WDFY2: variants seen among roughly 807,000 people sequenced by gnomAD.
WDFY2 encodes the protein WD repeat and FYVE domain-containing protein 2.
In WDFY2, 36 loss-of-function variants were observed where a neutral mutation model predicts 56.4. The ratio of observed to expected loss-of-function variants is 0.64; its 90% CI spans 0.49 to 0.84. WDFY2 has a LOEUF of 0.84. Among genes scored for constraint, WDFY2 ranks in the 40% least tolerant of loss-of-function variants. The pLI is 0.00. For missense variants in WDFY2, 444 were observed against 512.2 expected (o/e 0.87, Z 1.29); for synonymous variants, 176 against 183.7 (o/e 0.96, Z 0.34).
chr13:51,734,524 A>G (rs1952793576), intron 6 of WDFY2, among the ~76,000 whole-genome samples: 1 of 152,208 alleles, frequency 6.6e-6, no homozygotes, highest in African/African-American at 2.4e-5. Context: ...TTTTATTTTA[A>G]AAATATTTTG....
In WDFY2 at chr13:51,717,758, G is replaced by A. The variant is rs185342568; in HGVS notation, c.335-1440G>A. On this transcript the variant is annotated intron_variant, in intron 4 of 11. Coordinates refer to ENST00000298125, the MANE Select transcript of WDFY2 (RefSeq NM_052950.4). ...TAAAGCCTGTGTTTTGATCTTGATG[G>A]TGACTGGTACTCCGAAAGCAGTTGT... is the stretch of plus-strand genomic sequence containing the variant. 2.4e-3 allele frequency among the ~76,000 whole-genome samples: 369 copies of A among 152,200 alleles called. 6 individuals carry two copies. Among genetic ancestry groups the A allele is most frequent in the Admixed American group, 0.023 (355 of 15,280 alleles).
In WDFY2 at chr13:51,744,569, A is replaced by G. The variant is rs192303066; in HGVS notation, c.725+5394A>G. 5.3e-5 allele frequency among the ~76,000 whole-genome samples: 8 copies of G among 152,262 alleles called. No homozygotes were observed. The East Asian group carries it at 1.4e-3, about 26-fold the overall frequency. On this transcript the variant is annotated intron_variant, in intron 7 of 11. Transcript: ENST00000298125. The stretch of plus-strand genomic sequence containing the variant: ...TTTTCATTTTGCACTAGTCCCTCCA[A>G]TTATATGTTTGGACCTGACAGACAT...
intron 5 of WDFY2, among the ~76,000 whole-genome samples, chr13:51,721,931 G>T (rs17075902): frequency 0.092 from 13,952 of 151,758 alleles, 941 homozygotes; most frequent in East Asian, 0.29. Context: ...CAGTATTAGG[G>T]TTCACATTTA....
intron 1 of WDFY2, among the ~76,000 whole-genome samples, chr13:51,640,392 G>A (rs752817825): frequency 1.2e-4 from 19 of 152,126 alleles, no homozygotes; most frequent in Non-Finnish European, 2.6e-4. Flanking sequence ...TTTGTCAGTC[G>A]TATTTCATGC....
At chr13:51,584,950 T>G in intron 1 of WDFY2, 126 bp downstream of exon 1, 3 of 1,317,490 alleles carry the variant, frequency 2.3e-6, no homozygotes, top group African/African-American at 1.5e-5. Flanking sequence ...TTTATTGTAA[T>G]GCGCATCCTG....
At chr13:51,690,299 C>G (rs1593416269) in intron 3 of WDFY2, among the ~76,000 whole-genome samples, 3 of 150,544 alleles carry the variant, frequency 2.0e-5, no homozygotes, top group African/African-American at 7.3e-5. Context: ...CATCCACTAA[C>G]TCGTCATCTA....
chr13:51,595,707 A>T (rs563332539), intron 1 of WDFY2, among the ~76,000 whole-genome samples: 3 of 152,358 alleles, frequency 2.0e-5, no homozygotes, highest in African/African-American at 7.2e-5. Context: ...AGAAAAAAGA[A>T]ATCAAAAGAT....
Position 51,727,773 on chromosome 13 carries a change from C to T in WDFY2, c.581C>T (p.Thr194Ile), listed in dbSNP as rs143029510. Residue 194 changes from threonine (T) to isoleucine (I), a missense_variant, in exon 6 of 12, where the codon ACA becomes ATA. Physicochemically the swap from Thr to Ile is moderately conservative, Grantham distance 89 (BLOSUM62 -1). Coordinates refer to ENST00000298125, the MANE Select transcript of WDFY2 (RefSeq NM_052950.4). ...LEQENCTLVT[T>I]FRGHTGGVTA... The stretch of plus-strand genomic sequence containing the variant: ...CAAGAAAACTGCACCCTGGTCACAA[C>T]ATTCAGAGGACACACAGGTAGGATT... 25 of 1,614,050 alleles carry T rather than the reference C, an allele frequency of 1.5e-5. No homozygotes were observed. Among genetic ancestry groups the T allele is most frequent in the Non-Finnish European group, 1.2e-5 (14 of 1,180,038 alleles).
At chr13:51,591,801 A>C in intron 1 of WDFY2, 1 of 152,194 alleles carries the variant, frequency 6.6e-6, no homozygotes. Context: ...GTTTTCTAGA[A>C]GATGGAAATG....
intron 6 of WDFY2, among the ~76,000 whole-genome samples, chr13:51,734,440 G>A (rs1420697442): frequency 6.6e-6 from 1 of 152,076 alleles, no homozygotes; most frequent in Admixed American, 6.6e-5. Context: ...TACATACGTG[G>A]GAGATATTAG....
intron 3 of WDFY2, among the ~76,000 whole-genome samples, chr13:51,697,660 A>T (rs1253728611): frequency 6.6e-6 from 1 of 152,054 alleles, no homozygotes; most frequent in East Asian, 1.9e-4. Flanking sequence ...GAAATGTAAC[A>T]GTTAAAGACT....
Position 51,693,819 on chromosome 13 carries a change from A to C in WDFY2, c.280-9777A>C, listed in dbSNP as rs1291195841. ...CCCATTATTATTGTGTGGGAGTCTAAGTCTCTTTATAGGTCACTCAGGACT... is the reference window on the plus strand; with the variant it reads ...CCCATTATTATTGTGTGGGAGTCTACGTCTCTTTATAGGTCACTCAGGACT... On this transcript the variant is annotated intron_variant, in intron 3 of 11. Transcript: ENST00000298125. Among the ~76,000 whole-genome samples the C allele has an allele frequency of 4.6e-3, 695 of 152,000 alleles. 4 individuals carry two copies. Among genetic ancestry groups the C allele is most frequent in the African/African-American group, 0.016 (648 of 41,316 alleles).
chr13:51,651,722 A>T (rs540446653), intron 1 of WDFY2, among the ~76,000 whole-genome samples: 8 of 152,246 alleles, frequency 5.3e-5, no homozygotes, highest in African/African-American at 1.9e-4. Context: ...GTAGTTGGGC[A>T]GTTTTGAGTG....
chr13:51,750,656 T>C (rs1364367773), intron 7 of WDFY2, among the ~76,000 whole-genome samples: 1 of 152,214 alleles, frequency 6.6e-6, no homozygotes, highest in Non-Finnish European at 1.5e-5. Flanking sequence ...TCCATCATTT[T>C]TGCCGCCAAG....
At chr13:51,757,808 T>C (rs1388418594) in intron 10 of WDFY2, among the ~76,000 whole-genome samples, 1 of 150,972 alleles carries the variant, frequency 6.6e-6, no homozygotes, top group Middle Eastern at 3.2e-3. Flanking sequence ...AGTAATATCA[T>C]GGGACACTTA....
At chr13:51,686,474 G>A (rs1053216111) in intron 3 of WDFY2, among the ~76,000 whole-genome samples, 3 of 151,976 alleles carry the variant, frequency 2.0e-5, no homozygotes, top group African/African-American at 2.4e-5. Flanking sequence ...ACAATTATTT[G>A]CCACCTCAGA....
chr13:51,623,085 T>G (rs1954769105), intron 1 of WDFY2, among the ~76,000 whole-genome samples: 1 of 152,100 alleles, frequency 6.6e-6, no homozygotes, highest in South Asian at 2.1e-4. Context: ...CTTGAACTCC[T>G]GACTTCAAGT....
At chr13:51,721,934 C>T (rs999570955) in intron 5 of WDFY2, among the ~76,000 whole-genome samples, 2 of 151,898 alleles carry the variant, frequency 1.3e-5, no homozygotes, top group African/African-American at 4.8e-5. Flanking sequence ...TATTAGGGTT[C>T]ACATTTAAAT....
chr13:51,669,386 T>G (rs1593964377), intron 2 of WDFY2, among the ~76,000 whole-genome samples: 1 of 152,312 alleles, frequency 6.6e-6, no homozygotes, highest in East Asian at 1.9e-4. Flanking sequence ...GGGTCTAATT[T>G]TAAAGGTGAG....
Sources: gnomAD v4.1 joint callset for allele counts (sites outside exome capture counted in the v4.1 genomes callset) on GRCh38, gnomAD v4.1.1 for gene constraint, MANE v1.5 for transcripts, NCBI Gene and HGNC (gene_info 2026-07-23, HGNC 2026-07-21) for gene names.